Variants in PCOLCE2 observed in about 807,000 individuals in gnomAD.
The protein encoded by PCOLCE2 is procollagen C-endopeptidase enhancer 2.
In PCOLCE2, 42 loss-of-function variants were observed where a neutral mutation model predicts 47.0. The observed-to-expected ratio is 0.89, with a 90% CI of 0.70 to 1.16. The LOEUF (loss-of-function observed/expected upper bound fraction) is 1.16. Ranked by LOEUF, PCOLCE2 falls within the 50% of genes most tolerant of loss-of-function variation. The probability of loss-of-function intolerance (pLI) is 0.00; values close to 1 mark genes in which losing one functional copy is unlikely to be tolerated. For missense variants in PCOLCE2, 500 were observed against 526.1 expected, an observed-to-expected ratio of 0.95 and a Z score of 0.49; for synonymous variants, 169 against 191.7, an observed-to-expected ratio of 0.88 and a Z score of 0.98.
At chr3:142,821,416 A>C (rs1449463091) in intron 7 of PCOLCE2, among the ~76,000 whole-genome samples, 3 of 152,160 alleles carry the variant, frequency 2.0e-5, no homozygotes, top group Non-Finnish European at 4.4e-5. Context: ...GTATCTTTAG[A>C]GGCAGTACCA....
rs139906475 is a variant in PCOLCE2, at chr3:142,885,062, T to A, written c.192+2607A>T. ...CTATAATGTAAGGACACATCTAAAT[T>A]TCCAATCTGCAGGCTGTACTTTCGC... is the stretch of plus-strand genomic sequence containing the variant. On this transcript the variant is annotated intron_variant, in intron 2 of 8. Coordinates refer to ENST00000295992, the MANE Select transcript of PCOLCE2 (RefSeq NM_013363.4). Among the ~76,000 whole-genome samples the A allele has an allele frequency of 4.9e-3, 748 of 152,322 alleles. 6 individuals are homozygous for A. The highest frequency in any genetic ancestry group is 0.017 in the African/African-American group (700 of 41,572).
At chr3:142,887,121 CT>C (rs1933730021) in intron 2 of PCOLCE2, 1 of 151,114 alleles carries the variant, frequency 6.6e-6, no homozygotes, top group Non-Finnish European at 1.5e-5. Flanking sequence ...TCAGCATGGA[CT>C]TTTTATTGGC....
chr3:142,870,741 T>C (rs1933374221), intron 2 of PCOLCE2, among the ~76,000 whole-genome samples: 1 of 151,454 alleles, frequency 6.6e-6, no homozygotes. Context: ...TATACTGTTC[T>C]TCTTCTCAAA....
At chr3:142,887,647 T>A (rs372594826) in intron 2 of PCOLCE2, 22 bp downstream of exon 2, 1 of 1,228,394 alleles carries the variant, frequency 8.1e-7, no homozygotes, top group African/African-American at 1.5e-5. Flanking sequence ...TCCAGGAGAA[T>A]ACCTTTTTAA....
In PCOLCE2 at chr3:142,842,938, C is replaced by A. The variant is rs745693544; in HGVS notation, c.559G>T (p.Ala187Ser). Residue 187 changes from alanine (A) to serine (S), a missense_variant, in exon 4 of 9, where the codon GCC becomes TCC. By Grantham distance (99) the Ala-to-Ser change is moderately conservative. Coordinates refer to ENST00000295992, the MANE Select transcript of PCOLCE2 (RefSeq NM_013363.4). The surrounding 1 kb of genome is among the most constrained non-coding windows in gnomAD (Gnocchi z 4.1). ...GGGAATCTCACCTGATTCTTTGGGG[C>A]TACAATGTGCCACACACAAGTGACT... is the stretch of plus-strand genomic sequence containing the variant. ...AGVTCVWHIVAPKNQLIELKF... is the reference protein window; with the variant it reads ...AGVTCVWHIVSPKNQLIELKF... 3.7e-6 allele frequency: 6 copies of A among 1,613,944 alleles called. No individual in the cohort carries two copies. In the Admixed American group the frequency reaches 5.0e-5, roughly 13 times the overall value.
chr3:142,836,563 G>A (rs1006217521), intron 5 of PCOLCE2, among the ~76,000 whole-genome samples: 2 of 152,070 alleles, frequency 1.3e-5, no homozygotes, highest in African/African-American at 4.8e-5. Flanking sequence ...TAATCTTTAG[G>A]AATGTTGTTT....
chr3:142,823,198 T>C (rs1040827631), intron 7 of PCOLCE2, among the ~76,000 whole-genome samples: 5 of 152,142 alleles, frequency 3.3e-5, no homozygotes, highest in Admixed American at 6.5e-5. Flanking sequence ...GTTATAGATG[T>C]GTGAAAAAAT....
chr3:142,849,108 G>A (rs1201550657), intron 2 of PCOLCE2, among the ~76,000 whole-genome samples: 4 of 151,516 alleles, frequency 2.6e-5, no homozygotes, highest in Non-Finnish European at 5.9e-5. Context: ...AGCCGAGATC[G>A]CGCCACTGCA....
chr3:142,844,014 C>T, intron 3 of PCOLCE2, among the ~76,000 whole-genome samples: 1 of 152,084 alleles, frequency 6.6e-6, no homozygotes, highest in Non-Finnish European at 1.5e-5. Flanking sequence ...AGTCATCATT[C>T]TATTATTCTA....
intron 2 of PCOLCE2, among the ~76,000 whole-genome samples, chr3:142,851,249 G>A (rs1443177816): frequency 6.6e-6 from 1 of 152,190 alleles, no homozygotes; most frequent in Non-Finnish European, 1.5e-5. Flanking sequence ...GACTGCTGGG[G>A]TCCACTTGAA....
chr3:142,845,162 T>C (rs914092157), intron 3 of PCOLCE2, among the ~76,000 whole-genome samples: 5 of 152,230 alleles, frequency 3.3e-5, no homozygotes, highest in Non-Finnish European at 5.9e-5. Flanking sequence ...TGGATAATTT[T>C]AGTATTCTAT....
intron 5 of PCOLCE2, among the ~76,000 whole-genome samples, chr3:142,835,574 TAC>T (rs1220324863): frequency 6.6e-6 from 1 of 152,174 alleles, no homozygotes; most frequent in African/African-American, 2.4e-5. Flanking sequence ...TTATATTGAT[TAC>T]AGTTATATTT....
At chr3:142,851,122 G>C (rs2108198862) in intron 2 of PCOLCE2, among the ~76,000 whole-genome samples, 1 of 152,232 alleles carries the variant, frequency 6.6e-6, no homozygotes, top group East Asian at 1.9e-4. Flanking sequence ...GCTTTTCTTA[G>C]TAAAATAGAA....
chr3:142,878,159 T>C (rs1386936061), intron 2 of PCOLCE2, among the ~76,000 whole-genome samples: 2 of 152,142 alleles, frequency 1.3e-5, no homozygotes, highest in Non-Finnish European at 2.9e-5. Flanking sequence ...CACTATTTTA[T>C]TATATGCAGT....
At chr3:142,825,854 C>G (rs1393898098) in intron 6 of PCOLCE2, among the ~76,000 whole-genome samples, 1 of 152,172 alleles carries the variant, frequency 6.6e-6, no homozygotes, top group Non-Finnish European at 1.5e-5. Flanking sequence ...TGCCTGCCCT[C>G]AGACAACTGA....
intron 2 of PCOLCE2, among the ~76,000 whole-genome samples, chr3:142,857,130 C>A (rs945274695): frequency 1.3e-5 from 2 of 152,186 alleles, no homozygotes; most frequent in Admixed American, 6.5e-5. Flanking sequence ...TCCTACTGAA[C>A]CAGCTGGTGC....
At chr3:142,857,706 T>C (rs565261976) in intron 2 of PCOLCE2, among the ~76,000 whole-genome samples, 3 of 152,352 alleles carry the variant, frequency 2.0e-5, no homozygotes, top group South Asian at 4.1e-4. Context: ...TTAGAACATC[T>C]AGGCCTCTCC....
chr3:142,880,888 G>A (rs1054260062), intron 2 of PCOLCE2, among the ~76,000 whole-genome samples: 2 of 152,216 alleles, frequency 1.3e-5, no homozygotes, highest in East Asian at 1.9e-4. Context: ...CAAGTAAAAC[G>A]GGTCATACTC....
intron 2 of PCOLCE2, among the ~76,000 whole-genome samples, chr3:142,856,073 A>G (rs925145179): frequency 6.6e-6 from 1 of 152,178 alleles, no homozygotes; most frequent in African/African-American, 2.4e-5. Context: ...CTCTCTAGGA[A>G]TCAACAGTGT....
Sources: allele counts gnomAD v4.1 joint callset (sites outside exome capture counted in the v4.1 genomes callset), GRCh38; gene constraint gnomAD v4.1.1; non-coding constraint Gnocchi (gnomAD v3.1); transcripts MANE v1.5; gene names NCBI Gene and HGNC (gene_info 2026-07-23, HGNC 2026-07-21).